FSTL5: variants seen among roughly 807,000 people sequenced by gnomAD.
FSTL5 encodes follistatin-related protein 5.
A neutral mutation model predicts 89.1 loss-of-function variants in FSTL5; 62 were observed. The ratio of observed to expected loss-of-function variants is 0.70; its 90% confidence interval spans 0.57 to 0.86. The LOEUF is 0.86. FSTL5 is among the 40% of genes least tolerant of loss of function. The pLI is 0.00. For synonymous variants in FSTL5, 383 were observed against 346.2 expected (o/e 1.11, Z -1.18); for missense variants, 1,057 against 1,001.6 (o/e 1.06, Z -0.75).
chr4:162,154,993 G>A (rs1733410940), intron 1 of FSTL5, among the ~76,000 whole-genome samples: 1 of 152,004 alleles, frequency 6.6e-6, no homozygotes, highest in Non-Finnish European at 1.5e-5. Flanking sequence ...TAAAGACCAA[G>A]GTTTAAGTAA....
At chr4:161,624,823 A>G (rs1423960086) in intron 7 of FSTL5, among the ~76,000 whole-genome samples, 5 of 152,154 alleles carry the variant, frequency 3.3e-5, no homozygotes, top group Non-Finnish European at 7.4e-5. Flanking sequence ...ATCAACCAGT[A>G]TATGTTTTGT....
At chr4:161,505,733 C>A (rs1483178935) in intron 11 of FSTL5, among the ~76,000 whole-genome samples, 1 of 151,800 alleles carries the variant, frequency 6.6e-6, no homozygotes, top group Non-Finnish European at 1.5e-5. Flanking sequence ...AAGCCAATGT[C>A]ATTATATACT....
At chr4:161,560,159 C>T (rs1465174240) in intron 8 of FSTL5, among the ~76,000 whole-genome samples, 1 of 151,796 alleles carries the variant, frequency 6.6e-6, no homozygotes, top group African/African-American at 2.4e-5. Flanking sequence ...AGATTGGACA[C>T]CCCTGCTGTA....
chr4:161,594,206 C>T (rs1478854442), intron 7 of FSTL5, among the ~76,000 whole-genome samples: 1 of 151,788 alleles, frequency 6.6e-6, no homozygotes, highest in East Asian at 1.9e-4. Flanking sequence ...ATCATGGAGA[C>T]CAGATCACAA....
At chr4:161,878,887 T>A (rs1021258679) in intron 4 of FSTL5, among the ~76,000 whole-genome samples, 10 of 152,206 alleles carry the variant, frequency 6.6e-5, no homozygotes, top group African/African-American at 2.4e-4. Context: ...AATATGAATG[T>A]TATCATTCCC....
chr4:161,625,028 C>T (rs933410016), intron 7 of FSTL5, among the ~76,000 whole-genome samples: 6 of 151,964 alleles, frequency 3.9e-5, no homozygotes, highest in African/African-American at 1.4e-4. Context: ...GTTTGCCATT[C>T]TAGGATTCTA....
At chr4:161,925,543 A>G (rs1354234296) in intron 3 of FSTL5, among the ~76,000 whole-genome samples, 2 of 151,856 alleles carry the variant, frequency 1.3e-5, no homozygotes, top group Non-Finnish European at 2.9e-5. Context: ...CATAGTAGGA[A>G]CTCAGTAACT....
chr4:161,414,417 G>C (rs1175382089), intron 15 of FSTL5, among the ~76,000 whole-genome samples: 1 of 152,122 alleles, frequency 6.6e-6, no homozygotes, highest in Non-Finnish European at 1.5e-5. Context: ...CATACATTTA[G>C]ATCATTCACC....
chr4:161,657,477 G>C (rs369833588), intron 6 of FSTL5, among the ~76,000 whole-genome samples: 34 of 152,272 alleles, frequency 2.2e-4, no homozygotes, highest in African/African-American at 6.5e-4. Context: ...ATTGTCCTCT[G>C]TCCCCTTGTT....
At chr4:162,013,988 C>T (rs1465877364) in intron 3 of FSTL5, among the ~76,000 whole-genome samples, 1 of 152,124 alleles carries the variant, frequency 6.6e-6, no homozygotes, top group Non-Finnish European at 1.5e-5. Context: ...TGTATGAGGG[C>T]AGCCAATGCC....
intron 8 of FSTL5, 146 bp downstream of exon 8, chr4:161,587,309 A>G (rs78616731): frequency 1.9e-6 from 1 of 533,248 alleles, no homozygotes; most frequent in Non-Finnish European, 3.2e-6. Flanking sequence ...TTTTTTTTTT[A>G]CTTAAAAAAC....
intron 6 of FSTL5, among the ~76,000 whole-genome samples, chr4:161,695,901 C>G (rs896154985): frequency 4.6e-5 from 7 of 151,976 alleles, no homozygotes; most frequent in Non-Finnish European, 7.4e-5. Context: ...TTTTCCCATC[C>G]TGTGGGTTGT....
chr4:162,160,611 T>C (rs934086516), intron 1 of FSTL5, among the ~76,000 whole-genome samples: 5 of 151,792 alleles, frequency 3.3e-5, no homozygotes, highest in African/African-American at 1.2e-4. Context: ...AATAGAAAGA[T>C]GTCATTCAAG....
At chr4:161,641,508 TG>T (rs66949923) in intron 7 of FSTL5, among the ~76,000 whole-genome samples, 1,528 of 147,180 alleles carry the variant, frequency 0.01, 42 homozygotes, top group Middle Eastern at 0.028. Context: ...TGTTTTGTTT[TG>T]TTTTTTTTTT....
intron 4 of FSTL5, among the ~76,000 whole-genome samples, chr4:161,784,892 C>CAAAAAAAAAAAAAAA (rs67493163): frequency 1.4e-4 from 11 of 79,206 alleles, no homozygotes; most frequent in Non-Finnish European, 1.6e-4. Flanking sequence ...GACTCCGTCT[C>CAAAAAAAAAAAAAAA]AAAAAAAACA....
rs181739127 is a variant in FSTL5, at chr4:162,131,465, T to A, written c.-16-20053A>T. Among the ~76,000 whole-genome samples the A allele has an allele frequency of 2.2e-3, 341 of 152,346 alleles. 2 individuals carry two copies. The highest frequency in any genetic ancestry group is 7.5e-3 in the African/African-American group (314 of 41,594). Reference sequence around the variant, plus strand: ...ACTTAGGAACAAGTTCATTGATCATTTCTAAAATTGGCCATCTGGTGGCTT... The same window carrying A: ...ACTTAGGAACAAGTTCATTGATCATATCTAAAATTGGCCATCTGGTGGCTT... On this transcript the variant is annotated intron_variant, in intron 1 of 15. Transcript: ENST00000306100.
intron 3 of FSTL5, among the ~76,000 whole-genome samples, chr4:161,970,347 T>C (rs1052751388): frequency 3.9e-5 from 6 of 152,078 alleles, no homozygotes; most frequent in African/African-American, 1.4e-4. Context: ...AAGGGACCCA[T>C]TGCAATATGG....
chr4:161,619,280 G>A (rs1735017935), intron 7 of FSTL5, among the ~76,000 whole-genome samples: 1 of 152,120 alleles, frequency 6.6e-6, no homozygotes. Context: ...ATAGGCATGG[G>A]CAAGGACTTC....
chr4:161,592,139 G>T (rs1009596932), intron 7 of FSTL5, among the ~76,000 whole-genome samples: 3 of 152,140 alleles, frequency 2.0e-5, no homozygotes, highest in Non-Finnish European at 2.9e-5. Flanking sequence ...TAGAAGAAAG[G>T]CTGGGTAGAT....
Sources: allele counts gnomAD v4.1 joint callset (sites outside exome capture counted in the v4.1 genomes callset), GRCh38; gene constraint gnomAD v4.1.1; transcripts MANE v1.5; gene names NCBI Gene and HGNC (gene_info 2026-07-23, HGNC 2026-07-21).